The following CPA6 variants were observed in gnomAD, a reference collection of about 807,000 sequenced individuals.
CPA6 encodes the protein carboxypeptidase B.
CPA6 carries 58 observed loss-of-function variants against 63.3 expected under a neutral mutation model. The observed-to-expected ratio is 0.92, with a 90% CI of 0.74 to 1.14. The LOEUF is 1.14. CPA6 is among the 50% of genes most tolerant of loss of function. CPA6 has a pLI of 0.00. For synonymous variants in CPA6, 185 were observed against 179.0 expected (o/e 1.03, Z -0.27); for missense variants, 565 against 526.6 (o/e 1.07, Z -0.71).
chr8:67,698,518 G>A (rs951722491), intron 1 of CPA6, among the ~76,000 whole-genome samples: 1 of 152,212 alleles, frequency 6.6e-6, no homozygotes, highest in African/African-American at 2.4e-5. Context: ...GACCAAGAAA[G>A]TTTGGGAACA....
At chr8:67,453,905 A>G (rs780061935) in intron 8 of CPA6, among the ~76,000 whole-genome samples, 7 of 152,250 alleles carry the variant, frequency 4.6e-5, no homozygotes, top group Non-Finnish European at 1.0e-4. Context: ...TAAACTTGTA[A>G]TACTCAGAAG....
chr8:67,735,429 G>A (rs910222138), intron 1 of CPA6: 4 of 152,122 alleles, frequency 2.6e-5, no homozygotes, highest in African/African-American at 4.8e-5. Flanking sequence ...CCAGTTTTCC[G>A]ATAACTTAAT....
intron 1 of CPA6, among the ~76,000 whole-genome samples, chr8:67,650,599 G>A (rs1758424112): frequency 6.6e-6 from 1 of 152,146 alleles, no homozygotes; most frequent in African/African-American, 2.4e-5. Flanking sequence ...GAAATGCCAT[G>A]TGCTGGCTGG....
chr8:67,612,133 G>A (rs914458366), intron 2 of CPA6, among the ~76,000 whole-genome samples: 1 of 152,150 alleles, frequency 6.6e-6, no homozygotes, highest in Non-Finnish European at 1.5e-5. Flanking sequence ...TGAATGGACT[G>A]TCTAAGTATG....
chr8:67,738,541 C>G (rs1322540469), intron 1 of CPA6, among the ~76,000 whole-genome samples: 1 of 151,446 alleles, frequency 6.6e-6, no homozygotes, highest in Non-Finnish European at 1.5e-5. Flanking sequence ...AAGAAACAAA[C>G]AAAAAAATAC....
chr8:67,678,184 C>T lies in CPA6; in HGVS notation c.117-53933G>A, dbSNP rs1037307512. On this transcript the variant is annotated intron_variant, in intron 1 of 10. Transcript: ENST00000297770. The stretch of plus-strand genomic sequence containing the variant: ...CAGAGGTTGCAGTAAGCAGAGATCA[C>T]GCCATTGCATTACAGCCTGGGAGAT... Among the ~76,000 whole-genome samples, 52 of 150,236 alleles carry T rather than the reference C, an allele frequency of 3.5e-4. 1 individual carries two copies. Among genetic ancestry groups the T allele is most frequent in the Non-Finnish European group, 6.6e-4 (45 of 67,754 alleles).
chr8:67,506,957 G>T lies in CPA6; in HGVS notation c.535-69C>A. On this transcript the variant is annotated intron_variant, in intron 5 of 10. Coordinates refer to ENST00000297770, the MANE Select transcript of CPA6 (RefSeq NM_020361.5). Reference sequence around the variant, plus strand: ...TTCACTGACCAGCATAATTTAATAAGGTTTCAGCATAATTCTTCACTGTAG... The same window carrying T: ...TTCACTGACCAGCATAATTTAATAATGTTTCAGCATAATTCTTCACTGTAG... The T allele has an allele frequency of 3.6e-6, 4 of 1,113,220 alleles. No individual in the cohort carries two copies. The South Asian group carries it at 5.0e-5, about 14-fold the overall frequency. 69.0% of individuals were successfully genotyped at this position (1,113,220 alleles called of 1,614,324 possible). A position where few individuals can be genotyped will look rare whatever the true frequency, so the allele number is the denominator to read the frequency against.
At chr8:67,589,363 G>C (rs754109019) in intron 2 of CPA6, among the ~76,000 whole-genome samples, 1 of 152,178 alleles carries the variant, frequency 6.6e-6, no homozygotes, top group African/African-American at 2.4e-5. Flanking sequence ...ATACCTTGTG[G>C]AAGAATCTTC....
intron 1 of CPA6, among the ~76,000 whole-genome samples, chr8:67,648,972 ATTTT>A (rs35455724): frequency 6.7e-6 from 1 of 148,720 alleles, no homozygotes; most frequent in South Asian, 2.1e-4. Context: ...TGGGGAGGGA[ATTTT>A]TTTTTTAATG....
At chr8:67,649,248 T>C (rs370895900) in intron 1 of CPA6, among the ~76,000 whole-genome samples, 26 of 152,326 alleles carry the variant, frequency 1.7e-4, no homozygotes, top group African/African-American at 2.6e-4. Context: ...AACATCTGCA[T>C]GCAATGTGAA....
At chr8:67,574,721 A>T (rs1205961786) in intron 2 of CPA6, among the ~76,000 whole-genome samples, 1 of 152,178 alleles carries the variant, frequency 6.6e-6, no homozygotes, top group Non-Finnish European at 1.5e-5. Flanking sequence ...ATCTCACCCC[A>T]TATACAAAAA....
intron 1 of CPA6, among the ~76,000 whole-genome samples, chr8:67,644,169 AGTGCAGTGG>A (rs1336234702): frequency 2.0e-5 from 3 of 149,888 alleles, no homozygotes; most frequent in African/African-American, 7.4e-5. Context: ...CCCAGGCTGG[AGTGCAGTGG>A]CGCCATTTCG....
chr8:67,681,683 T>G (rs1352359472), intron 1 of CPA6, among the ~76,000 whole-genome samples: 1 of 152,232 alleles, frequency 6.6e-6, no homozygotes, highest in East Asian at 1.9e-4. Context: ...TACTTCATTG[T>G]CCTTGCACCT....
Position 67,688,350 on chromosome 8 carries a change from T to A in CPA6, c.116+57664A>T, listed in dbSNP as rs865907581. Among the ~76,000 whole-genome samples the A allele has an allele frequency of 5.9e-5, 9 of 152,042 alleles. No individual in the cohort carries two copies. The South Asian group carries it at 1.0e-3, about 18-fold the overall frequency. On this transcript the variant is annotated intron_variant, in intron 1 of 10. Coordinates refer to ENST00000297770, the MANE Select transcript of CPA6 (RefSeq NM_020361.5). ...CAGATGATTCAAGTTTAGGAAATAATGAATATTTGAGAAGGTCAAGGAAAG... is the reference window on the plus strand; with the variant it reads ...CAGATGATTCAAGTTTAGGAAATAAAGAATATTTGAGAAGGTCAAGGAAAG...
intron 2 of CPA6, among the ~76,000 whole-genome samples, chr8:67,536,304 G>A (rs1326855046): frequency 6.6e-6 from 1 of 152,130 alleles, no homozygotes; most frequent in African/African-American, 2.4e-5. Flanking sequence ...CTATTTTCAC[G>A]ATATTGATTC....
intron 6 of CPA6, 45 bp downstream of exon 6, chr8:67,506,742 G>A (rs1331097997): frequency 6.5e-6 from 8 of 1,236,598 alleles, no homozygotes; most frequent in Non-Finnish European, 1.2e-6. Context: ...ACACAGGGAA[G>A]CACTGACTAG....
At chr8:67,470,663 G>C (rs770850951) in intron 8 of CPA6, among the ~76,000 whole-genome samples, 18 of 151,954 alleles carry the variant, frequency 1.2e-4, no homozygotes, top group Non-Finnish European at 1.3e-4. Flanking sequence ...ATATAAAAAC[G>C]ATAATAAACC....
chr8:67,685,913 G>C (rs1023962630), intron 1 of CPA6, among the ~76,000 whole-genome samples: 36 of 152,200 alleles, frequency 2.4e-4, no homozygotes, highest in African/African-American at 8.7e-4. Context: ...TATTTGACTG[G>C]AGAGGGCTTC....
intron 2 of CPA6, among the ~76,000 whole-genome samples, chr8:67,583,831 G>A (rs1408205858): frequency 1.3e-5 from 2 of 152,072 alleles, no homozygotes; most frequent in Non-Finnish European, 2.9e-5. Context: ...GGGTACTATA[G>A]ACAGCTGTCA....
Sources: allele counts gnomAD v4.1 joint callset (sites outside exome capture counted in the v4.1 genomes callset), GRCh38; gene constraint gnomAD v4.1.1; transcripts MANE v1.5; gene names NCBI Gene and HGNC (gene_info 2026-07-23, HGNC 2026-07-21).